Variants in CBFB observed in about 807,000 individuals in gnomAD.
CBFB encodes CBF-beta.
In CBFB, 9 loss-of-function variants were observed where a neutral mutation model predicts 30.4. The observed-to-expected ratio is 0.30, with a 90% confidence interval of 0.18 to 0.52. The LOEUF is 0.52. Among genes scored for constraint, CBFB ranks in the 20% least tolerant of loss-of-function variants. The pLI is 0.97. For synonymous variants in CBFB, 94 were observed against 84.0 expected (o/e 1.12, Z -0.65); for missense variants, 170 against 244.0 (o/e 0.70, Z 2.02).
chr16:67,034,641 G>A (rs1262841559), intron 2 of CBFB, among the ~76,000 whole-genome samples: 1 of 152,158 alleles, frequency 6.6e-6, no homozygotes, highest in Admixed American at 6.5e-5. Flanking sequence ...TCTGAGGTTG[G>A]CATCAAGACA....
chr16:67,059,343 C>T (rs1960823116), intron 3 of CBFB, among the ~76,000 whole-genome samples: 1 of 152,102 alleles, frequency 6.6e-6, no homozygotes, highest in East Asian at 1.9e-4. Context: ...AGAACATTTA[C>T]CATCTCAGGC....
chr16:67,033,772 C>T (rs549390799), intron 2 of CBFB, among the ~76,000 whole-genome samples: 50 of 150,766 alleles, frequency 3.3e-4, no homozygotes, highest in African/African-American at 1.1e-3. Context: ...CCACCACACC[C>T]GGCTAATTTG....
At chr16:67,047,387 T>G (rs182919759) in intron 3 of CBFB, among the ~76,000 whole-genome samples, 31 of 152,324 alleles carry the variant, frequency 2.0e-4, no homozygotes, top group African/African-American at 6.7e-4. Context: ...GTTGGCAGGT[T>G]GTTTTTGTGG....
rs1961621371 is a variant in CBFB at position 67,083,218 on chromosome 16, G to A, written c.495+910G>A. On this transcript the variant is annotated intron_variant, in intron 5 of 5. Coordinates refer to ENST00000412916, the MANE Select transcript of CBFB (RefSeq NM_022845.3). ...ATAATACATAAATAAACCTTTGACA[G>A]CTACCCCAGCAGCCCCTTCCATATA... is the stretch of plus-strand genomic sequence containing the variant. 3.3e-5 allele frequency among the ~76,000 whole-genome samples: 5 copies of A among 151,924 alleles called. No homozygotes were observed. The South Asian group carries it at 1.0e-3, about 32-fold the overall frequency.
At chr16:67,046,532 C>T (rs1436622292) in intron 3 of CBFB, among the ~76,000 whole-genome samples, 1 of 152,108 alleles carries the variant, frequency 6.6e-6, no homozygotes, top group Non-Finnish European at 1.5e-5. Context: ...TTTCAATCAG[C>T]ATTATTGAGG....
chr16:67,068,192 A>AT (rs2145752848), intron 4 of CBFB, among the ~76,000 whole-genome samples: 1 of 152,332 alleles, frequency 6.6e-6, no homozygotes, highest in East Asian at 1.9e-4. Context: ...AGACTTAAAA[A>AT]AGACAGCTGT....
intron 5 of CBFB, among the ~76,000 whole-genome samples, chr16:67,095,342 C>T (rs1194422200): frequency 1.3e-5 from 2 of 151,148 alleles, no homozygotes; most frequent in Non-Finnish European, 2.9e-5. Flanking sequence ...CATGGTGAAA[C>T]CCCGTCTGTA....
intron 5 of CBFB, among the ~76,000 whole-genome samples, chr16:67,094,022 C>T (rs1246747575): frequency 6.6e-6 from 1 of 151,986 alleles, no homozygotes; most frequent in Admixed American, 6.6e-5. Flanking sequence ...CTTCATATGA[C>T]GGTCAATACA....
chr16:67,031,646 G>A (rs772677841), intron 2 of CBFB, among the ~76,000 whole-genome samples: 2 of 151,938 alleles, frequency 1.3e-5, no homozygotes, highest in Non-Finnish European at 2.9e-5. Flanking sequence ...GAGTAGCTGG[G>A]ATTACAGGCA....
intron 4 of CBFB, among the ~76,000 whole-genome samples, chr16:67,071,473 G>A (rs1961220420): frequency 6.6e-6 from 1 of 152,190 alleles, no homozygotes; most frequent in Admixed American, 6.5e-5. Flanking sequence ...ATGTCTGCAT[G>A]CCAGAAAGAG....
intron 3 of CBFB, among the ~76,000 whole-genome samples, chr16:67,060,701 A>G (rs1281313527): frequency 2.0e-5 from 3 of 152,068 alleles, no homozygotes; most frequent in Admixed American, 2.0e-4. Context: ...GGTTACAGGC[A>G]TGTGCCACCA....
chr16:67,058,428 A>C (rs1056380952), intron 3 of CBFB, among the ~76,000 whole-genome samples: 1 of 152,186 alleles, frequency 6.6e-6, no homozygotes, highest in South Asian at 2.1e-4. Context: ...GGCGTGAACC[A>C]CCACGCCCGA....
intron 3 of CBFB, among the ~76,000 whole-genome samples, chr16:67,039,752 T>C (rs1348303278): frequency 6.6e-6 from 1 of 152,146 alleles, no homozygotes; most frequent in Non-Finnish European, 1.5e-5. Flanking sequence ...TGTAAATGTT[T>C]TCAGTTTTGC....
At chr16:67,043,113 A>G (rs143626160) in intron 3 of CBFB, among the ~76,000 whole-genome samples, 36 of 152,252 alleles carry the variant, frequency 2.4e-4, no homozygotes, top group Middle Eastern at 6.8e-3. Flanking sequence ...CTTGTTGCTT[A>G]GCCTGTTCAT....
intron 3 of CBFB, among the ~76,000 whole-genome samples, chr16:67,066,380 T>C: frequency 1.8e-5 from 1 of 54,470 alleles, no homozygotes; most frequent in Non-Finnish European, 3.0e-5. Flanking sequence ...AAACCCCATC[T>C]CTACTAAAAA....
intron 3 of CBFB, among the ~76,000 whole-genome samples, chr16:67,054,253 G>GT (rs1325875403): frequency 1.3e-5 from 2 of 151,836 alleles, no homozygotes; most frequent in Non-Finnish European, 2.9e-5. Context: ...ATACTTTATT[G>GT]TAAGTTTGTC....
rs570285184 is a variant in CBFB at position 67,030,027 on chromosome 16, G to A, written c.165+214G>A. 2.4e-5 allele frequency: 11 copies of A among 457,526 alleles called. No individual in the cohort carries two copies. The East Asian group carries it at 3.9e-4, about 16-fold the overall frequency. The allele number at this position is 457,526 out of a possible 1,614,324, so 28.3% of individuals were successfully genotyped here. A position where few individuals can be genotyped will look rare whatever the true frequency, so the allele number is the denominator to read the frequency against. On this transcript the variant is annotated intron_variant, in intron 2 of 5. Transcript: ENST00000412916. Reference sequence around the variant, plus strand: ...CCTGGGGCTCGCCGCGGTGGCGCGTGTCGGCCAACGGAGCACCGCGAGTGG... The same window carrying A: ...CCTGGGGCTCGCCGCGGTGGCGCGTATCGGCCAACGGAGCACCGCGAGTGG...
chr16:67,067,393 C>A (rs1567616015), intron 4 of CBFB, among the ~76,000 whole-genome samples: 1 of 152,102 alleles, frequency 6.6e-6, no homozygotes, highest in Non-Finnish European at 1.5e-5. Context: ...TGGTGCACAC[C>A]TGTAATCCCA....
intron 3 of CBFB, among the ~76,000 whole-genome samples, chr16:67,066,393 C>CAAAAAAAAAAAAAAAAAAAAAAAA (rs56360240): frequency 2.1e-5 from 2 of 96,036 alleles, no homozygotes; most frequent in Non-Finnish European, 3.8e-5. Flanking sequence ...ACTAAAAATA[C>CAAAAAAAAAAAAAAAAAAAAAAAA]AAAAAAAAAA....
Sources: gnomAD v4.1 joint callset for allele counts (sites outside exome capture counted in the v4.1 genomes callset) on GRCh38, gnomAD v4.1.1 for gene constraint, MANE v1.5 for transcripts, NCBI Gene and HGNC (gene_info 2026-07-23, HGNC 2026-07-21) for gene names.